Variants in NOL11 observed in about 807,000 individuals in gnomAD.
NOL11 encodes the protein nucleolar protein 11.
In NOL11, 42 loss-of-function variants were observed where a neutral mutation model predicts 93.0. The observed-to-expected ratio is 0.45, with a 90% CI of 0.35 to 0.58. The LOEUF (loss-of-function observed/expected upper bound fraction) is 0.58, where lower values mean the gene tolerates loss of function less well. NOL11 is among the 20% of genes least tolerant of loss of function. The pLI is 0.00. For synonymous variants in NOL11, 296 were observed against 293.7 expected (o/e 1.01, Z -0.08); for missense variants, 775 against 841.8 (o/e 0.92, Z 0.98).
At position 67,736,656 on chromosome 17, in the gene NOL11, A is replaced by G. The variant is rs1225461997; in HGVS notation, c.1055-10A>G. ...ACATTCCAGAAATTGTGCATTTTGC[A>G]TTTTCTTAGGAACTCATGTCGTGTC... On this transcript the variant is annotated splice_polypyrimidine_tract_variant and intron_variant, in intron 9 of 17. Coordinates refer to ENST00000253247, the MANE Select transcript of NOL11 (RefSeq NM_015462.5). 3.2e-6 allele frequency: 5 copies of G among 1,582,202 alleles called. No homozygotes were observed. Among genetic ancestry groups the G allele is most frequent in the Non-Finnish European group, 3.5e-6 (4 of 1,159,182 alleles).
intron 7 of NOL11, among the ~76,000 whole-genome samples, chr17:67,729,665 G>A (rs900700675): frequency 9.2e-5 from 14 of 151,470 alleles, no homozygotes; most frequent in Non-Finnish European, 1.6e-4. Context: ...TGCAAGCTCC[G>A]CCCCCCGGGT....
At chr17:67,719,219 T>G (rs2043199133) in intron 1 of NOL11, 1 of 150,530 alleles carries the variant, frequency 6.6e-6, no homozygotes, top group South Asian at 2.2e-4. Context: ...GCCAACATGG[T>G]GAAATCCTGT....
rs141717993 is a variant in NOL11, at chr17:67,721,345, G to A, written c.313-33G>A. ...CTTATATTAGGTATAAATTGTTTTA[G>A]AATAAAAATTAAAATTTTTTATGTT... On this transcript the variant is annotated intron_variant, in intron 3 of 17. Coordinates refer to ENST00000253247, the MANE Select transcript of NOL11 (RefSeq NM_015462.5). 1.6e-3 allele frequency: 2,234 copies of A among 1,408,034 alleles called. 42 individuals are homozygous for A. The African/African-American group carries it at 0.03, about 19-fold the overall frequency. 87.2% of individuals were successfully genotyped at this position (1,408,034 alleles called of 1,614,324 possible).
chr17:67,743,328 C>T (rs1567807134), intron 16 of NOL11, 151 bp from the exon 17 acceptor site: 5 of 442,566 alleles, frequency 1.1e-5, no homozygotes, highest in East Asian at 3.6e-5. Context: ...TTTTATATTT[C>T]GTAGAAATTG....
intron 3 of NOL11, chr17:67,720,283 T>C (rs1246106055): frequency 5.7e-6 from 1 of 176,160 alleles, no homozygotes; most frequent in Non-Finnish European, 1.2e-5. Flanking sequence ...GCAAGTTTCG[T>C]GTATTGGTGT....
chr17:67,718,509 C>T (rs965096341), intron 1 of NOL11, among the ~76,000 whole-genome samples: 1 of 152,156 alleles, frequency 6.6e-6, no homozygotes, highest in African/African-American at 2.4e-5. Context: ...ACTTCACACC[C>T]CTCTCTTTGT....
Position 67,736,725 on chromosome 17 carries a change from T to C in NOL11, c.1114T>C (p.Phe372Leu). ...GACACCTCAAGGATGTGGACTTGGGTTCCAGAACTCAGAGCAGTCAAGAAG... is the reference window on the plus strand; with the variant it reads ...GACACCTCAAGGATGTGGACTTGGGCTCCAGAACTCAGAGCAGTCAAGAAG... ...WETPQGCGLG[F>L]QNSEQSRRIL... The change falls in exon 10 of 18, where the codon TTC becomes CTC. Residue 372 changes from phenylalanine (F) to leucine (L), a missense_variant. This residue lies in a region of NOL11 where 416 missense variants were observed against 525.2 expected (regional missense o/e 0.79). Transcript: ENST00000253247. 2 of 1,613,346 alleles carry C rather than the reference T, an allele frequency of 1.2e-6. No individual in the cohort carries two copies. The highest frequency in any genetic ancestry group is 1.7e-6 in the Non-Finnish European group (2 of 1,179,506).
In NOL11 at chr17:67,724,116, T is replaced by C. The variant is rs2055063791; in HGVS notation, c.587T>C (p.Leu196Pro). 1 of 1,595,146 alleles carries C rather than the reference T, an allele frequency of 6.3e-7. No individual in the cohort carries two copies. Residue 196 changes from leucine (L) to proline (P), a missense_variant, in exon 6 of 18, where the codon CTT becomes CCT. Leu to Pro is a moderately conservative substitution (Grantham distance 98, BLOSUM62 -3). This residue lies in a region of NOL11 where 359 missense variants were observed against 316.5 expected (regional missense o/e 1.13). Coordinates refer to ENST00000253247, the MANE Select transcript of NOL11 (RefSeq NM_015462.5). ...SRILTKYTLL[L>P]GQDENSVIKS... is the part of the protein sequence containing the mutation. The stretch of plus-strand genomic sequence containing the variant: ...ATCTTAACCAAATATACACTCTTAC[T>C]TGGACAAGACGAAAACTCTGTTATA...
At chr17:67,733,501 T>C (rs2055173976) in intron 7 of NOL11, among the ~76,000 whole-genome samples, 1 of 152,186 alleles carries the variant, frequency 6.6e-6, no homozygotes, top group African/African-American at 2.4e-5. Flanking sequence ...AACCTCTCAG[T>C]GTGATGATAG....
intron 15 of NOL11, among the ~76,000 whole-genome samples, 184 bp from the exon 16 acceptor site, chr17:67,739,332 C>T (rs1000004451): frequency 2.0e-5 from 3 of 152,142 alleles, no homozygotes; most frequent in Admixed American, 2.0e-4. Context: ...CACCACTACC[C>T]CCAAACCAGA....
At chr17:67,721,642 C>A in intron 4 of NOL11, 116 bp downstream of exon 4, 2 of 834,858 alleles carry the variant, frequency 2.4e-6, no homozygotes, top group South Asian at 1.8e-5. Flanking sequence ...AATTAAAAAT[C>A]ACTTACAAAA....
chr17:67,735,750 T>C, intron 8 of NOL11, 150 bp from the exon 9 acceptor site: 1 of 439,150 alleles, frequency 2.3e-6, no homozygotes, highest in Non-Finnish European at 4.0e-6. Flanking sequence ...GCCTATTTAA[T>C]AAGCTCTGCA....
intron 7 of NOL11, among the ~76,000 whole-genome samples, chr17:67,730,884 C>T (rs570754490): frequency 2.6e-5 from 4 of 152,300 alleles, no homozygotes; most frequent in East Asian, 1.9e-4. Context: ...ACATTCCCAC[C>T]GGCATTGTAC....
At chr17:67,719,837 T>A (rs2043204661) in intron 2 of NOL11, 50 bp downstream of exon 2, 1 of 1,473,666 alleles carries the variant, frequency 6.8e-7, no homozygotes, top group Non-Finnish European at 9.3e-7. Context: ...TGTTGATTAT[T>A]AACTATTTGT....
chr17:67,727,918 C>CAA (rs57241605), intron 7 of NOL11, among the ~76,000 whole-genome samples: 12 of 112,594 alleles, frequency 1.1e-4, no homozygotes, highest in South Asian at 3.0e-4. Flanking sequence ...GACTTTGTCT[C>CAA]AAAAAAAAAA....
chr17:67,737,038 T>C, intron 10 of NOL11, 33 bp from the exon 11 acceptor site: 2 of 1,344,416 alleles, frequency 1.5e-6, no homozygotes, highest in Non-Finnish European at 2.1e-6. Context: ...TCTTATATTG[T>C]TTTGTGATCC....
Position 67,722,580 on chromosome 17 carries a change from A to G in NOL11, c.462A>G (p.Lys154=), listed in dbSNP as rs773140983. ...ETVISDEEVI[K]WTKFFVVFRH... ...ATTTTTCTTTTTTCTTTTTTTGTAG[A>G]TGGACAAAGTTTTTCGTAGTATTCA... The change falls in exon 5 of 18, where the codon AAA becomes AAG. Residue 154 remains lysine (K), a splice_region_variant and synonymous_variant. Transcript: ENST00000253247. The G allele has an allele frequency of 1.1e-5, 17 of 1,566,254 alleles. No individual in the cohort carries two copies. The highest frequency in any genetic ancestry group is 1.5e-5 in the Non-Finnish European group (17 of 1,165,298).
At chr17:67,736,544 A>G (rs2055203738) in intron 9 of NOL11, 122 bp from the exon 10 acceptor site, 1 of 629,456 alleles carries the variant, frequency 1.6e-6, no homozygotes, top group Non-Finnish European at 2.8e-6. Context: ...TCAGAATTAC[A>G]TGGACTTCAA....
chr17:67,738,550 G>T (rs2055225409), intron 14 of NOL11, 195 bp downstream of exon 14: 1 of 547,718 alleles, frequency 1.8e-6, no homozygotes. Context: ...ATTTAACTAG[G>T]CTGGGCATGG....
Sources: allele counts gnomAD v4.1 joint callset (sites outside exome capture counted in the v4.1 genomes callset), GRCh38; gene constraint gnomAD v4.1.1; regional missense constraint gnomAD v4.1.1; transcripts MANE v1.5; gene names NCBI Gene and HGNC (gene_info 2026-07-23, HGNC 2026-07-21).